SYN3: variants seen among roughly 807,000 people sequenced by gnomAD.
SYN3 encodes synapsin III.
Under a neutral mutation model 65.8 loss-of-function variants are expected in SYN3, and 35 were observed. The observed-to-expected ratio is 0.53, with a 90% CI of 0.41 to 0.70. The LOEUF (loss-of-function observed/expected upper bound fraction) is 0.70. SYN3 is among the 30% of genes least tolerant of loss of function. The pLI is 0.00. For missense variants in SYN3, 680 were observed against 749.0 expected (o/e 0.91, Z 1.08); for synonymous variants, 270 against 292.9 (o/e 0.92, Z 0.80).
chr22:32,676,854 T>G lies in SYN3; in HGVS notation c.712-80118A>C, dbSNP rs954099134. The stretch of plus-strand genomic sequence containing the variant: ...CACTGTGCCCAGCCAACAGCTTCCA[T>G]TTTCAAATGGCACCCACGTGACAGG... On this transcript the variant is annotated intron_variant, in intron 6 of 13. Coordinates refer to ENST00000358763, the MANE Select transcript of SYN3 (RefSeq NM_003490.4). Among the ~76,000 whole-genome samples the G allele has an allele frequency of 8.7e-3, 1,330 of 152,164 alleles. 21 individuals are homozygous for G. Among genetic ancestry groups the G allele is most frequent in the African/African-American group, 0.031 (1,279 of 41,496 alleles).
chr22:33,049,363 C>G (rs574235623), intron 1 of SYN3, among the ~76,000 whole-genome samples: 1 of 152,332 alleles, frequency 6.6e-6, no homozygotes, highest in South Asian at 2.1e-4. Flanking sequence ...TATCTGCTAT[C>G]GGCTTTTCTC....
intron 6 of SYN3, among the ~76,000 whole-genome samples, chr22:32,728,981 G>A (rs756942345): frequency 5.9e-5 from 9 of 152,234 alleles, no homozygotes; most frequent in Non-Finnish European, 1.2e-4. Context: ...CACAGAAGGT[G>A]CCAGTGAGCT....
intron 4 of SYN3, among the ~76,000 whole-genome samples, chr22:32,904,206 C>T (rs79794516): frequency 0.055 from 8,379 of 152,262 alleles, 755 homozygotes; most frequent in African/African-American, 0.19. Context: ...CATTTCCCAG[C>T]AGGCCTTGTG....
intron 3 of SYN3, among the ~76,000 whole-genome samples, chr22:32,979,786 T>C (rs528309528): frequency 1.3e-5 from 2 of 152,286 alleles, no homozygotes; most frequent in South Asian, 4.1e-4. Flanking sequence ...GATGCTATTA[T>C]TGCCCCAGTT....
chr22:32,963,465 C>G (rs2051725259), intron 3 of SYN3, among the ~76,000 whole-genome samples: 1 of 151,788 alleles, frequency 6.6e-6, no homozygotes, highest in African/African-American at 2.4e-5. Flanking sequence ...AAAACAGAAG[C>G]CTGGAGAGTT....
chr22:32,584,816 G>C (rs1234680599), intron 7 of SYN3, among the ~76,000 whole-genome samples: 1 of 152,176 alleles, frequency 6.6e-6, no homozygotes, highest in Non-Finnish European at 1.5e-5. Flanking sequence ...CCTGGTGTGA[G>C]ATCAGTTGAC....
chr22:32,651,493 T>C (rs752954733), intron 6 of SYN3, among the ~76,000 whole-genome samples: 71 of 152,056 alleles, frequency 4.7e-4, no homozygotes, highest in Non-Finnish European at 7.1e-4. Flanking sequence ...AGCACACAGG[T>C]GGGGCATGAT....
chr22:32,732,690 T>G (rs1162291004), intron 6 of SYN3, among the ~76,000 whole-genome samples: 17 of 152,346 alleles, frequency 1.1e-4, no homozygotes, highest in South Asian at 4.1e-4. Context: ...GCTTGACAGA[T>G]GATGATGTTT....
At chr22:32,881,040 G>A (rs1016396077) in intron 4 of SYN3, among the ~76,000 whole-genome samples, 2 of 152,210 alleles carry the variant, frequency 1.3e-5, no homozygotes, top group African/African-American at 4.8e-5. Context: ...CCTGCTCTCC[G>A]ACAGCTGCCT....
At chr22:32,522,916 T>C (rs1441333173) in intron 12 of SYN3, among the ~76,000 whole-genome samples, 1 of 152,186 alleles carries the variant, frequency 6.6e-6, no homozygotes, top group Non-Finnish European at 1.5e-5. Flanking sequence ...TGAAGGAGAA[T>C]ACTAATGTGT....
intron 7 of SYN3, among the ~76,000 whole-genome samples, chr22:32,557,143 A>T (rs2058515133): frequency 6.6e-6 from 1 of 152,214 alleles, no homozygotes; most frequent in Admixed American, 6.5e-5. Context: ...ATATCTGAAA[A>T]GAAAATGTTG....
chr22:32,609,110 G>C (rs2059407598), intron 6 of SYN3, among the ~76,000 whole-genome samples: 1 of 152,036 alleles, frequency 6.6e-6, no homozygotes. Flanking sequence ...GGATCACGAG[G>C]TCAGGAGATC....
chr22:32,538,334 A>C (rs576277314), intron 8 of SYN3, among the ~76,000 whole-genome samples: 68 of 152,304 alleles, frequency 4.5e-4, no homozygotes, highest in Non-Finnish European at 6.3e-4. Context: ...TTGTTTTCTA[A>C]GTCATCTTTG....
At chr22:32,636,093 C>A (rs377282950) in intron 6 of SYN3, among the ~76,000 whole-genome samples, 1 of 152,124 alleles carries the variant, frequency 6.6e-6, no homozygotes, top group African/African-American at 2.4e-5. Flanking sequence ...AGAACCCTGA[C>A]AAGGACTGTT....
At chr22:32,848,673 T>C (rs535147052) in intron 6 of SYN3, among the ~76,000 whole-genome samples, 1 of 152,258 alleles carries the variant, frequency 6.6e-6, no homozygotes, top group Non-Finnish European at 1.5e-5. Context: ...ATTTGTCATC[T>C]TGACTAATCC....
At chr22:32,784,703 T>C (rs2046149583) in intron 6 of SYN3, among the ~76,000 whole-genome samples, 1 of 152,218 alleles carries the variant, frequency 6.6e-6, no homozygotes, top group African/African-American at 2.4e-5. Flanking sequence ...ATGGTAACTC[T>C]CCCTCACCTA....
At chr22:33,046,435 C>T (rs1471180009) in intron 1 of SYN3, among the ~76,000 whole-genome samples, 1 of 152,148 alleles carries the variant, frequency 6.6e-6, no homozygotes, top group Non-Finnish European at 1.5e-5. Context: ...CTAGAAACAA[C>T]CTGGCTGTGT....
intron 6 of SYN3, among the ~76,000 whole-genome samples, chr22:32,813,707 T>C (rs953087811): frequency 2.6e-5 from 4 of 152,110 alleles, no homozygotes; most frequent in African/African-American, 9.7e-5. Flanking sequence ...TCCCACACTT[T>C]CTGAGCTGGA....
intron 4 of SYN3, among the ~76,000 whole-genome samples, chr22:32,920,474 C>A (rs2050308196): frequency 6.6e-6 from 1 of 152,166 alleles, no homozygotes. Context: ...TGCGCTTAAG[C>A]ACCTCGAGCT....
Sources: gnomAD v4.1 joint callset for allele counts (sites outside exome capture counted in the v4.1 genomes callset) on GRCh38, gnomAD v4.1.1 for gene constraint, MANE v1.5 for transcripts, NCBI Gene and HGNC (gene_info 2026-07-23, HGNC 2026-07-21) for gene names.